Variants in LRRC57 observed in about 807,000 individuals in gnomAD.
LRRC57 encodes the protein leucine-rich repeat-containing protein 57.
LRRC57 carries 14 observed loss-of-function variants against 23.1 expected under a neutral mutation model. The ratio of observed to expected loss-of-function variants is 0.61; its 90% CI spans 0.40 to 0.95. The LOEUF (loss-of-function observed/expected upper bound fraction) is 0.95, where lower values mean the gene tolerates loss of function less well. Ranked by LOEUF, LRRC57 falls within the 40% of genes least tolerant of loss-of-function variation. LRRC57 has a pLI of 0.00. For synonymous variants in LRRC57, 106 were observed against 115.2 expected, an observed-to-expected ratio of 0.92 and a Z score of 0.51; for missense variants, 236 against 284.4, an observed-to-expected ratio of 0.83 and a Z score of 1.22.
downstream of LRRC57, among the ~76,000 whole-genome samples, chr15:42,534,564 T>G (rs2057590953): frequency 2.0e-5 from 3 of 151,844 alleles, no homozygotes; most frequent in South Asian, 6.3e-4. Context: ...TTCCAGAGGG[T>G]TTTCAGTTTA....
Position 42,541,026 on chromosome 15 carries a change from C to A in LRRC57, c.*3057G>T, listed in dbSNP as rs1427879475. On this transcript the variant is annotated 3_prime_UTR_variant, in exon 6 of 6. Coordinates refer to ENST00000397130, the MANE Select transcript of LRRC57 (RefSeq NM_153260.3). ...CAGCCTGGGTGAAAGAATGAGACTC[C>A]GTCTCAGAAAAAAAAAAAAAATGTA... 1 of 146,750 alleles carries A rather than the reference C, an allele frequency of 6.8e-6. No individual in the cohort carries two copies. 9.1% of individuals were successfully genotyped at this position (146,750 alleles called of 1,614,324 possible).
rs1404811408 is a variant in LRRC57 at position 42,541,020 on chromosome 15, A to C, written c.*3063T>G. 6.6e-6 allele frequency: 1 copy of C among 151,840 alleles called. No homozygotes were observed. Among genetic ancestry groups the C allele is most frequent in the African/African-American group, 2.4e-5 (1 of 41,288 alleles). The allele number at this position is 151,840 out of a possible 1,614,324, so 9.4% of individuals were successfully genotyped here. A position where few individuals can be genotyped will look rare whatever the true frequency, so the allele number is the denominator to read the frequency against. ...GCACTCCAGCCTGGGTGAAAGAATGAGACTCCGTCTCAGAAAAAAAAAAAA... is the reference window on the plus strand; with the variant it reads ...GCACTCCAGCCTGGGTGAAAGAATGCGACTCCGTCTCAGAAAAAAAAAAAA... On this transcript the variant is annotated 3_prime_UTR_variant, in exon 6 of 6. Transcript: ENST00000397130.
At chr15:42,533,963 G>A (rs2057586679), downstream of LRRC57, among the ~76,000 whole-genome samples, 1 of 152,154 alleles carries the variant, frequency 6.6e-6, no homozygotes, top group African/African-American at 2.4e-5. Context: ...AGTGGCTCAC[G>A]CCTGTAATCC....
rs2057608661 is a variant in LRRC57 at position 42,537,914 on chromosome 15, TG to T, written c.*6168del. On this transcript the variant is annotated 3_prime_UTR_variant, in exon 6 of 6. Coordinates refer to ENST00000397130, the MANE Select transcript of LRRC57 (RefSeq NM_153260.3). ...GAGGCTGGGTAGTGGGTGTACAGGGTGGGGCGATGAAGGAAGGTAGGTTAAT... is the reference window on the plus strand; with the variant it reads ...GAGGCTGGGTAGTGGGTGTACAGGGTGGGCGATGAAGGAAGGTAGGTTAAT... The T allele has an allele frequency of 2.0e-5, 3 of 152,124 alleles. No homozygotes were observed. The highest frequency in any genetic ancestry group is 7.2e-5 in the African/African-American group (3 of 41,514). The allele number at this position is 152,124 out of a possible 1,614,324, so 9.4% of individuals were successfully genotyped here.
At chr15:42,528,365 A>C in the LRRC57 span, 2 of 1,614,120 alleles carry the variant, frequency 1.2e-6, no homozygotes, top group Admixed American at 3.3e-5. Flanking sequence ...CCCGGTGACA[A>C]ATGGTCAGCT....
rs75867794 is a variant in LRRC57 at position 42,538,074 on chromosome 15, A to G, written c.*6009T>C. 1.3e-5 allele frequency: 2 copies of G among 152,222 alleles called. No homozygotes were observed. The highest frequency in any genetic ancestry group is 4.8e-5 in the African/African-American group (2 of 41,472). The allele number at this position is 152,222 out of a possible 1,614,324, so 9.4% of individuals were successfully genotyped here. On this transcript the variant is annotated 3_prime_UTR_variant, in exon 6 of 6. Coordinates refer to ENST00000397130, the MANE Select transcript of LRRC57 (RefSeq NM_153260.3). Reference sequence around the variant, plus strand: ...ATGTTCCCAACACAAACAAATGATAAATGTTTGAGATAATGAATAACATAA... The same window carrying G: ...ATGTTCCCAACACAAACAAATGATAGATGTTTGAGATAATGAATAACATAA...
chr15:42,538,857 A>G lies in LRRC57; in HGVS notation c.*5226T>C, dbSNP rs555025329. ...ACTCCAGGGCCCATAATTTTAATAT[A>G]CTACATTGCCTTCCAAACCAAGCTG... is the stretch of plus-strand genomic sequence containing the variant. On this transcript the variant is annotated 3_prime_UTR_variant, in exon 6 of 6. Coordinates refer to ENST00000397130, the MANE Select transcript of LRRC57 (RefSeq NM_153260.3). 1.5e-4 allele frequency: 23 copies of G among 152,292 alleles called. No homozygotes were observed. In the East Asian group the frequency reaches 2.3e-3, roughly 15 times the overall value. 9.4% of individuals were successfully genotyped at this position (152,292 alleles called of 1,614,324 possible). A position where few individuals can be genotyped will look rare whatever the true frequency, so the allele number is the denominator to read the frequency against.
the LRRC57 span, chr15:42,531,465 T>G: frequency 3.7e-6 from 6 of 1,602,116 alleles, no homozygotes; most frequent in South Asian, 6.8e-5. Flanking sequence ...GCAAAGAAAC[T>G]CATTGACAGC....
chr15:42,547,294 C>T lies in LRRC57; in HGVS notation c.459G>A (p.Leu153=), dbSNP rs2057663478. 6.2e-7 allele frequency: 1 copy of T among 1,614,054 alleles called. No individual in the cohort carries two copies. Among genetic ancestry groups the T allele is most frequent in the Non-Finnish European group, 8.5e-7 (1 of 1,180,024 alleles). ...IRSIPDSVGE[L]QVIELNLNQN... ...GGTTGAGGTTGAGTTCGATGACTTG[C>T]AGCTCTCCCACTGAGTCAGGTATAC... The change falls in exon 4 of 6, where the codon CTG becomes CTA. Residue 153 remains leucine (L), a synonymous_variant. Coordinates refer to ENST00000397130, the MANE Select transcript of LRRC57 (RefSeq NM_153260.3).
Position 42,544,131 on chromosome 15 carries a change from A to C in LRRC57, c.679-7T>G, listed in dbSNP as rs745454096. 1 of 1,609,410 alleles carries C rather than the reference A, an allele frequency of 6.2e-7. No homozygotes were observed. The highest frequency in any genetic ancestry group is 8.5e-7 in the Non-Finnish European group (1 of 1,176,768). ...CTGTGAACCTCTCCATGTACTAAAA[A>C]ACATGAAAGAATACATAAGGGGTAT... On this transcript the variant is annotated splice_polypyrimidine_tract_variant and splice_region_variant and intron_variant, in intron 5 of 5. Coordinates refer to ENST00000397130, the MANE Select transcript of LRRC57 (RefSeq NM_153260.3).
the LRRC57 span, chr15:42,531,318 G>C: frequency 1.4e-6 from 1 of 733,946 alleles, no homozygotes; most frequent in East Asian, 2.9e-5. Flanking sequence ...TGGTTTCTTG[G>C]ATTTTCTTGG....
chr15:42,548,469 A>G lies in LRRC57; in HGVS notation c.-22-13T>C, dbSNP rs763577185. The G allele has an allele frequency of 2.5e-6, 4 of 1,607,140 alleles. No homozygotes were observed. In the African/African-American group the frequency reaches 5.3e-5, roughly 21 times the overall value. ...GCGGCTCAGGTCCCTGCGGGAAGGA[A>G]GCGCTGCTGTCACCGCCCAGTCCAC... On this transcript the variant is annotated splice_polypyrimidine_tract_variant and intron_variant, in intron 1 of 5. Coordinates refer to ENST00000397130, the MANE Select transcript of LRRC57 (RefSeq NM_153260.3).
At position 42,544,122 on chromosome 15, in the gene LRRC57, G is replaced by C; in HGVS notation, c.681C>G (p.Tyr227Ter). The C allele has an allele frequency of 6.2e-7, 1 of 1,610,262 alleles. No homozygotes were observed. Among genetic ancestry groups the C allele is most frequent in the Non-Finnish European group, 8.5e-7 (1 of 1,177,680 alleles). The stretch of plus-strand genomic sequence containing the variant: ...TCTTGGTGGCTGTGAACCTCTCCAT[G>C]TACTAAAAAACATGAAAGAATACAT... ...KLRELEGYDK[Y>*]MERFTATKKK... is the part of the protein sequence containing the mutation. The change falls in exon 6 of 6, where the codon TAC becomes TAG. Residue 227 changes from tyrosine to a stop codon, truncating the protein, a stop_gained and splice_region_variant. Transcript: ENST00000397130. LOFTEE classifies it high-confidence loss of function.
Position 42,541,316 on chromosome 15 carries a change from C to G in LRRC57, c.*2767G>C, listed in dbSNP as rs2057628199. 6.6e-6 allele frequency: 1 copy of G among 152,094 alleles called. No homozygotes were observed. 9.4% of individuals were successfully genotyped at this position (152,094 alleles called of 1,614,324 possible). On this transcript the variant is annotated 3_prime_UTR_variant, in exon 6 of 6. Transcript: ENST00000397130. ...GCCAGGAGTTCAAGACCAGTCTGGC[C>G]AACACGGTGAAACCCTGTCTCTACT...
At chr15:42,545,488 T>C (rs1241297286) in intron 4 of LRRC57, 3 of 312,354 alleles carry the variant, frequency 9.6e-6, no homozygotes, top group Admixed American at 4.9e-5. Context: ...AGGTCACCCA[T>C]GGCTTTTTGG....
rs527749369 is a variant in LRRC57 at position 42,548,011 on chromosome 15, C to T, written c.223+95G>A. ...CATTCGCAACTTGAGCCCTCCTGCA[C>T]GGTTTCATAACAAAAACAAAAATCA... On this transcript the variant is annotated intron_variant, in intron 3 of 5. Coordinates refer to ENST00000397130, the MANE Select transcript of LRRC57 (RefSeq NM_153260.3). 5.2e-6 allele frequency: 7 copies of T among 1,351,036 alleles called. No homozygotes were observed. The South Asian group carries it at 5.3e-5, about 10-fold the overall frequency. The allele number at this position is 1,351,036 out of a possible 1,614,324, so 83.7% of individuals were successfully genotyped here.
In LRRC57 at chr15:42,543,985, T is replaced by C; in HGVS notation, c.*98A>G. ...CTCCTGAAGTATCATCTCCTTACTG[T>C]AGATACCCCTAACAACAACAGGAGG... On this transcript the variant is annotated 3_prime_UTR_variant, in exon 6 of 6. Coordinates refer to ENST00000397130, the MANE Select transcript of LRRC57 (RefSeq NM_153260.3). The C allele has an allele frequency of 2.3e-6, 2 of 861,338 alleles. No homozygotes were observed. Among genetic ancestry groups the C allele is most frequent in the African/African-American group, 1.7e-5 (1 of 59,492 alleles). 53.4% of individuals were successfully genotyped at this position (861,338 alleles called of 1,614,324 possible). A position where few individuals can be genotyped will look rare whatever the true frequency, so the allele number is the denominator to read the frequency against.
the LRRC57 span, chr15:42,529,585 C>T: frequency 7.5e-7 from 1 of 1,327,944 alleles, no homozygotes; most frequent in Non-Finnish European, 1.0e-6. Flanking sequence ...TGCTGAGAGT[C>T]ATTTTGGTTA....
chr15:42,529,392 C>T, the LRRC57 span, among the ~76,000 whole-genome samples: 1 of 152,174 alleles, frequency 6.6e-6, no homozygotes, highest in Non-Finnish European at 1.5e-5. Flanking sequence ...TGAGAATTAG[C>T]ATTCTCATGT....
Sources: allele counts gnomAD v4.1 joint callset (sites outside exome capture counted in the v4.1 genomes callset), GRCh38; gene constraint gnomAD v4.1.1; transcripts MANE v1.5; gene names NCBI Gene and HGNC (gene_info 2026-07-23, HGNC 2026-07-21).